The following SIRPA variants were observed in gnomAD, a reference collection of about 807,000 sequenced individuals.
SIRPA encodes the protein tyrosine-protein phosphatase non-receptor type substrate 1.
Under a neutral mutation model 50.3 loss-of-function variants are expected in SIRPA, and 9 were observed. The observed-to-expected ratio is 0.18, with a 90% CI of 0.11 to 0.31. The LOEUF is 0.31. Ranked by LOEUF, SIRPA falls within the 10% of genes least tolerant of loss-of-function variation. The probability of loss-of-function intolerance (pLI) is 1.00; values close to 1 mark genes in which losing one functional copy is unlikely to be tolerated. For missense variants in SIRPA, 474 were observed against 661.6 expected (o/e 0.72, Z 3.11); for synonymous variants, 265 against 284.1 (o/e 0.93, Z 0.68).
In SIRPA at chr20:1,939,071, T is replaced by C. The variant is rs775129990; in HGVS notation, c.*1503T>C. 2.0e-5 allele frequency: 3 copies of C among 152,650 alleles called. No individual in the cohort carries two copies. The highest frequency in any genetic ancestry group is 2.9e-5 in the Non-Finnish European group (2 of 68,054). The allele number at this position is 152,650 out of a possible 1,614,324, so 9.5% of individuals were successfully genotyped here. Reference sequence around the variant, plus strand: ...TGATTCCCCCTCTGTCCCAGAAGGTTGGCCAGAGGGTGTGACCCAGTTACC... The same window carrying C: ...TGATTCCCCCTCTGTCCCAGAAGGTCGGCCAGAGGGTGTGACCCAGTTACC... On this transcript the variant is annotated 3_prime_UTR_variant, in exon 8 of 8. Coordinates refer to ENST00000358771, the MANE Select transcript of SIRPA (RefSeq NM_001040023.2). The surrounding 1 kb of genome is among the most constrained non-coding windows in gnomAD (Gnocchi z 4.7).
rs6045464 is a variant in SIRPA at position 1,927,070 on chromosome 20, T to C, written c.1202-805T>C. ...TTCGGTGCTGAGCACAGCTTCCAACTGGTACACCTCATCTAAAGATCCAGG... is the reference window on the plus strand; with the variant it reads ...TTCGGTGCTGAGCACAGCTTCCAACCGGTACACCTCATCTAAAGATCCAGG... On this transcript the variant is annotated intron_variant, in intron 5 of 7. Coordinates refer to ENST00000358771, the MANE Select transcript of SIRPA (RefSeq NM_001040023.2). The surrounding 1 kb of genome is among the most constrained non-coding windows in gnomAD (Gnocchi z 6.5). 0.22 allele frequency among the ~76,000 whole-genome samples: 34,079 copies of C among 152,168 alleles called. 4,140 individuals carry two copies. Among genetic ancestry groups the C allele is most frequent in the East Asian group, 0.51 (2,629 of 5,166 alleles).
intron 1 of SIRPA, among the ~76,000 whole-genome samples, chr20:1,901,160 TTTC>T (rs1984175292): frequency 7.3e-6 from 1 of 136,552 alleles, no homozygotes; most frequent in African/African-American, 2.7e-5. Context: ...CCTTTCTTTC[TTTC>T]TTTTTTTTTT....
chr20:1,921,693 C>T lies in SIRPA; in HGVS notation c.735C>T (p.Asn245=). ...GGGACCCTCTTCGTGGGACTGCCAA[C>T]TTGTCTGAGACCATCCGAGGTAGAA... is the stretch of plus-strand genomic sequence containing the variant. ...LQGDPLRGTA[N]LSETIRVPPT... Residue 245 remains asparagine, a synonymous_variant, in exon 3 of 8, where the codon AAC becomes AAT. Coordinates refer to ENST00000358771, the MANE Select transcript of SIRPA (RefSeq NM_001040023.2). 6.2e-7 allele frequency: 1 copy of T among 1,614,210 alleles called. No individual in the cohort carries two copies. Among genetic ancestry groups the T allele is most frequent in the South Asian group, 1.1e-5 (1 of 91,082 alleles).
chr20:1,901,146 T>G (rs1323084578), intron 1 of SIRPA, among the ~76,000 whole-genome samples: 1 of 150,876 alleles, frequency 6.6e-6, no homozygotes, highest in Non-Finnish European at 1.5e-5. Context: ...TTTTGTTTTT[T>G]CTTCCTTTCT....
chr20:1,902,818 C>T (rs1394270192), intron 1 of SIRPA, among the ~76,000 whole-genome samples: 1 of 152,100 alleles, frequency 6.6e-6, no homozygotes, highest in Admixed American at 6.5e-5. Context: ...TTGAGACCAG[C>T]CTGGCCAACA....
At position 1,921,552 on chromosome 20, in the gene SIRPA, G is replaced by A; in HGVS notation, c.594G>A (p.Val198=). 1 of 1,614,184 alleles carries A rather than the reference G, an allele frequency of 6.2e-7. No individual in the cohort carries two copies. The highest frequency in any genetic ancestry group is 8.5e-7 in the Non-Finnish European group (1 of 1,180,042). ...GNELSDFQTN[V]DPVGESVSYS... is the part of the protein sequence containing the mutation. ...AGCTCTCAGACTTCCAGACCAACGT[G>A]GACCCCGTAGGAGAGAGCGTGTCCT... The change falls in exon 3 of 8, where the codon GTG becomes GTA. Residue 198 remains valine, a synonymous_variant. Transcript: ENST00000358771.
intron 2 of SIRPA, among the ~76,000 whole-genome samples, chr20:1,915,871 C>T (rs554934861): frequency 3.3e-5 from 5 of 152,352 alleles, no homozygotes; most frequent in South Asian, 2.1e-4. Flanking sequence ...CTACTGTGTG[C>T]CAGGCTCCGC....
chr20:1,903,901 C>T (rs1004506708), intron 1 of SIRPA, among the ~76,000 whole-genome samples: 1 of 152,170 alleles, frequency 6.6e-6, no homozygotes, highest in Admixed American at 6.5e-5. Context: ...AGCCCTGTCT[C>T]CTCCACTAGG....
rs1375178606 is a variant in SIRPA at position 1,937,103 on chromosome 20, G to A, written c.1267-217G>A. On this transcript the variant is annotated intron_variant, in intron 7 of 7. Transcript: ENST00000358771. This position sits in a 1 kb window ranked among gnomAD's most constrained non-coding sequence, Gnocchi z 8.3. ...GAGACTGCACTGTGCGGGTCAGAAA[G>A]ACCCTTCAGGCAGGGTGAGGAGGAG... Among the ~76,000 whole-genome samples, 1 of 147,556 alleles carries A rather than the reference G, an allele frequency of 6.8e-6. No homozygotes were observed. The highest frequency in any genetic ancestry group is 1.5e-5 in the Non-Finnish European group (1 of 68,006).
At chr20:1,905,367 C>T (rs1984483330) in intron 1 of SIRPA, among the ~76,000 whole-genome samples, 1 of 152,216 alleles carries the variant, frequency 6.6e-6, no homozygotes, top group South Asian at 2.1e-4. Flanking sequence ...AATCCCACCT[C>T]TGCCACTTAC....
Position 1,939,348 on chromosome 20 carries a change from G to A in SIRPA, c.*1780G>A, listed in dbSNP as rs977758042. Reference sequence around the variant, plus strand: ...TCAGCATAGACCCAGCTCTCTGGGGGATGGTCACCTGGTGATTTCAATGAT... The same window carrying A: ...TCAGCATAGACCCAGCTCTCTGGGGAATGGTCACCTGGTGATTTCAATGAT... On this transcript the variant is annotated 3_prime_UTR_variant, in exon 8 of 8. Transcript: ENST00000358771. The surrounding 1 kb of genome is among the most constrained non-coding windows in gnomAD (Gnocchi z 4.7). The A allele has an allele frequency of 6.6e-6, 1 of 152,206 alleles. No homozygotes were observed. Among genetic ancestry groups the A allele is most frequent in the Non-Finnish European group, 1.5e-5 (1 of 68,048 alleles). 9.4% of individuals were successfully genotyped at this position (152,206 alleles called of 1,614,324 possible). A position where few individuals can be genotyped will look rare whatever the true frequency, so the allele number is the denominator to read the frequency against.
intron 6 of SIRPA, among the ~76,000 whole-genome samples, chr20:1,930,233 G>A (rs6035084): frequency 0.026 from 3,944 of 152,258 alleles, 162 homozygotes; most frequent in African/African-American, 0.087. Flanking sequence ...CTCCAGGGTC[G>A]GAGGGCTTCC....
intron 2 of SIRPA, 38 bp downstream of exon 2, chr20:1,915,493 G>C (rs781564673): frequency 6.2e-7 from 1 of 1,608,372 alleles, no homozygotes; most frequent in Non-Finnish European, 8.5e-7. Flanking sequence ...TCTGGTTTGT[G>C]ACAGTAACTC....
intron 1 of SIRPA, among the ~76,000 whole-genome samples, chr20:1,912,276 T>A (rs1001297522): frequency 3.3e-5 from 5 of 152,196 alleles, no homozygotes; most frequent in African/African-American, 1.2e-4. Flanking sequence ...TCCTGCTCCC[T>A]CACCAACTGC....
At chr20:1,902,983 G>A (rs1231553821) in intron 1 of SIRPA, among the ~76,000 whole-genome samples, 4 of 144,824 alleles carry the variant, frequency 2.8e-5, no homozygotes, top group Admixed American at 1.4e-4. Flanking sequence ...CTGCACTCCC[G>A]CCTGGGTGAC....
At chr20:1,923,271 G>A (rs1448621310) in intron 4 of SIRPA, among the ~76,000 whole-genome samples, 1 of 152,240 alleles carries the variant, frequency 6.6e-6, no homozygotes, top group African/African-American at 2.4e-5. Context: ...CCCTTGCAAC[G>A]TGGTGTTGGT....
chr20:1,904,118 C>T lies in SIRPA; in HGVS notation c.79+8592C>T, dbSNP rs76361005. 8.1e-3 allele frequency among the ~76,000 whole-genome samples: 1,226 copies of T among 152,158 alleles called. 15 individuals are homozygous for T. Among genetic ancestry groups the T allele is most frequent in the African/African-American group, 0.028 (1,151 of 41,480 alleles). ...AGCTTATTCCCTAACTACCACAGTC[C>T]CCCCCCTGCAGCCAGGGCCGGGATC... On this transcript the variant is annotated intron_variant, in intron 1 of 7. Transcript: ENST00000358771.
At chr20:1,900,378 C>T (rs181397813) in intron 1 of SIRPA, among the ~76,000 whole-genome samples, 63 of 152,166 alleles carry the variant, frequency 4.1e-4, no homozygotes, top group Non-Finnish European at 8.8e-5. Flanking sequence ...GCTGAGCCAC[C>T]GCACCACCCA....
At chr20:1,912,262 C>G (rs779420261) in intron 1 of SIRPA, among the ~76,000 whole-genome samples, 5 of 152,366 alleles carry the variant, frequency 3.3e-5, no homozygotes, top group African/African-American at 1.2e-4. Flanking sequence ...GCCTCTCCTG[C>G]GCCTCCTGCT....
Sources: gnomAD v4.1 joint callset for allele counts (sites outside exome capture counted in the v4.1 genomes callset) on GRCh38, gnomAD v4.1.1 for gene constraint, Gnocchi (gnomAD v3.1) non-coding constraint, MANE v1.5 for transcripts, NCBI Gene and HGNC (gene_info 2026-07-23, HGNC 2026-07-21) for gene names.